The following EPHA6 variants were observed in gnomAD, a reference collection of about 807,000 sequenced individuals.
EPHA6 encodes the protein EPH receptor A6, also known as ephrin type-A receptor 6.
EPHA6 carries 50 observed loss-of-function variants against 112.0 expected under a neutral mutation model. The observed-to-expected ratio is 0.45, with a 90% CI of 0.36 to 0.56. EPHA6 has a LOEUF of 0.56. EPHA6 is among the 20% of genes least tolerant of loss of function. The probability of loss-of-function intolerance (pLI) is 0.00; values close to 1 mark genes in which losing one functional copy is unlikely to be tolerated. For synonymous variants in EPHA6, 529 were observed against 490.7 expected (o/e 1.08, Z -1.03); for missense variants, 1,280 against 1,417.4 (o/e 0.90, Z 1.56).
At chr3:96,932,064 G>C (rs1030938931) in intron 2 of EPHA6, among the ~76,000 whole-genome samples, 1 of 152,100 alleles carries the variant, frequency 6.6e-6, no homozygotes, top group Non-Finnish European at 1.5e-5. Context: ...TTGGTTTCCT[G>C]GCAGGGTCAC....
At chr3:97,272,921 G>A (rs1576817389) in intron 5 of EPHA6, among the ~76,000 whole-genome samples, 1 of 152,192 alleles carries the variant, frequency 6.6e-6, no homozygotes. Flanking sequence ...TGTTGGGACG[G>A]CAAAAATTTT....
chr3:97,261,749 A>C (rs1434718948), intron 5 of EPHA6, among the ~76,000 whole-genome samples: 1 of 152,188 alleles, frequency 6.6e-6, no homozygotes, highest in Non-Finnish European at 1.5e-5. Flanking sequence ...GTCACAAAGC[A>C]CTTCATTGTC....
chr3:96,865,814 C>T (rs996812476), intron 1 of EPHA6, among the ~76,000 whole-genome samples: 2 of 150,850 alleles, frequency 1.3e-5, no homozygotes, highest in Admixed American at 1.3e-4. Context: ...GGCCTACTGA[C>T]ATCTGGAGGC....
intron 3 of EPHA6, among the ~76,000 whole-genome samples, chr3:97,115,383 A>C (rs982199751): frequency 1.3e-4 from 19 of 152,000 alleles, no homozygotes; most frequent in Non-Finnish European, 1.3e-4. Flanking sequence ...AAAATGTAGA[A>C]GAGGAGAAGT....
chr3:96,968,106 T>C (rs2042192699), intron 2 of EPHA6, among the ~76,000 whole-genome samples: 2 of 151,654 alleles, frequency 1.3e-5, no homozygotes, highest in African/African-American at 4.8e-5. Flanking sequence ...TTATCGGGTG[T>C]ATATAATTAT....
chr3:97,251,571 A>T (rs2079142719), intron 5 of EPHA6, among the ~76,000 whole-genome samples: 1 of 152,170 alleles, frequency 6.6e-6, no homozygotes, highest in Admixed American at 6.5e-5. Flanking sequence ...AAGTGGATGG[A>T]TTATTCTGAT....
chr3:96,948,491 A>G (rs564161641), intron 2 of EPHA6, among the ~76,000 whole-genome samples: 54 of 152,338 alleles, frequency 3.5e-4, no homozygotes, highest in African/African-American at 1.3e-3. Context: ...AGGAGAAGGA[A>G]TATTAGATAT....
intron 11 of EPHA6, among the ~76,000 whole-genome samples, chr3:97,534,893 C>G (rs1325862793): frequency 6.6e-6 from 1 of 152,016 alleles, no homozygotes; most frequent in African/African-American, 2.4e-5. Context: ...TTGAAGTCCT[C>G]TGATGTGTGT....
intron 3 of EPHA6, among the ~76,000 whole-genome samples, chr3:97,224,882 T>C (rs2078306499): frequency 1.3e-5 from 2 of 152,088 alleles, no homozygotes; most frequent in South Asian, 2.1e-4. Flanking sequence ...AGATTAAAGG[T>C]ATTACTTCAA....
intron 1 of EPHA6, among the ~76,000 whole-genome samples, chr3:96,858,679 G>A (rs1055219065): frequency 5.9e-5 from 9 of 152,112 alleles, no homozygotes; most frequent in East Asian, 1.9e-4. Flanking sequence ...TGTTTTCTTC[G>A]TATGATGGAT....
intron 3 of EPHA6, among the ~76,000 whole-genome samples, chr3:97,056,339 T>G (rs2045852101): frequency 6.6e-6 from 1 of 152,208 alleles, no homozygotes; most frequent in Non-Finnish European, 1.5e-5. Context: ...ATGCTCACCC[T>G]AAATTTGACA....
intron 3 of EPHA6, among the ~76,000 whole-genome samples, chr3:97,041,714 G>A (rs2045321793): frequency 6.6e-6 from 1 of 152,156 alleles, no homozygotes; most frequent in African/African-American, 2.4e-5. Context: ...GGAGGCCTTA[G>A]GAAACGTACA....
At chr3:96,934,451 C>G (rs1255777332) in intron 2 of EPHA6, among the ~76,000 whole-genome samples, 1 of 151,580 alleles carries the variant, frequency 6.6e-6, no homozygotes, top group Non-Finnish European at 1.5e-5. Context: ...ATTTTTTCTG[C>G]ATACCTTATT....
At chr3:97,663,445 A>G in intron 14 of EPHA6, among the ~76,000 whole-genome samples, 1 of 151,230 alleles carries the variant, frequency 6.6e-6, no homozygotes, top group Non-Finnish European at 1.5e-5. Flanking sequence ...TTAACTCGTC[A>G]TTTACATTAG....
rs191269530 is a variant in EPHA6, at chr3:97,274,698, G to T, written c.1606+30411G>T. The stretch of plus-strand genomic sequence containing the variant: ...GCATAGCCTGCCTTTGCTGGTGAGT[G>T]GCAATTAGGCCTGGTGGAACTGCCA... On this transcript the variant is annotated intron_variant, in intron 5 of 17. Coordinates refer to ENST00000389672, the MANE Select transcript of EPHA6 (RefSeq NM_001080448.3). Among the ~76,000 whole-genome samples the T allele has an allele frequency of 3.7e-3, 565 of 152,252 alleles. 1 individual carries two copies. The highest frequency in any genetic ancestry group is 0.013 in the African/African-American group (527 of 41,544).
chr3:97,473,909 G>A (rs932267963), intron 7 of EPHA6, among the ~76,000 whole-genome samples: 2 of 151,770 alleles, frequency 1.3e-5, no homozygotes, highest in Admixed American at 6.6e-5. Flanking sequence ...AAAATGTCTT[G>A]ATTAAATCAT....
At chr3:97,281,767 T>C (rs1252735301) in intron 5 of EPHA6, among the ~76,000 whole-genome samples, 1 of 152,192 alleles carries the variant, frequency 6.6e-6, no homozygotes, top group African/African-American at 2.4e-5. Context: ...CATGCCTAGG[T>C]ACAGTAACAG....
intron 12 of EPHA6, among the ~76,000 whole-genome samples, chr3:97,605,232 C>A (rs916449697): frequency 6.6e-6 from 1 of 151,186 alleles, no homozygotes; most frequent in Non-Finnish European, 1.5e-5. Flanking sequence ...AGAAGGCAGT[C>A]TTCCAAAGAA....
chr3:97,554,784 C>G (rs1487744380), intron 11 of EPHA6, among the ~76,000 whole-genome samples: 4 of 151,922 alleles, frequency 2.6e-5, no homozygotes, highest in African/African-American at 9.7e-5. Context: ...TAGTCTGTAT[C>G]ATGGTGGTCA....
Sources: gnomAD v4.1 joint callset for allele counts (sites outside exome capture counted in the v4.1 genomes callset) on GRCh38, gnomAD v4.1.1 for gene constraint, MANE v1.5 for transcripts, NCBI Gene and HGNC (gene_info 2026-07-23, HGNC 2026-07-21) for gene names.